The following GRIA3 variants were observed in gnomAD, a reference collection of about 807,000 sequenced individuals.
The protein encoded by GRIA3 is glutamate receptor 3.
In GRIA3, 3 loss-of-function variants were observed where a neutral mutation model predicts 63.0. That is an observed-to-expected ratio of 0.05 (90% confidence interval 0.02 to 0.12). The LOEUF (loss-of-function observed/expected upper bound fraction) is 0.12. GRIA3 is among the 10% of genes least tolerant of loss of function. GRIA3 has a pLI of 1.00. For synonymous variants in GRIA3, 274 were observed against 257.9 expected (o/e 1.06, Z -0.60); for missense variants, 347 against 700.9 (o/e 0.50, Z 5.70).
chrX:123,416,724 A>T (rs1416735744), intron 10 of GRIA3, among the ~76,000 whole-genome samples: 1 of 113,093 alleles, frequency 8.8e-6, no homozygotes, highest in South Asian at 3.5e-4. Context: ...CCCAGGCAAA[A>T]TTCTTTCATG....
chrX:123,335,381 G>C (rs947158014), intron 4 of GRIA3, among the ~76,000 whole-genome samples: 3 of 111,546 alleles, frequency 2.7e-5, no homozygotes, highest in African/African-American at 9.8e-5. Context: ...GAAATACCTA[G>C]GGAAAATCCC....
intron 3 of GRIA3, among the ~76,000 whole-genome samples, chrX:123,281,406 G>A (rs1391734365): frequency 2.7e-5 from 3 of 112,022 alleles, no homozygotes; most frequent in African/African-American, 9.7e-5. Context: ...ACTTCTGAGT[G>A]GCCAAAGAAT....
chrX:123,292,862 A>T (rs2044664259), intron 3 of GRIA3, among the ~76,000 whole-genome samples: 1 of 111,015 alleles, frequency 9.0e-6, no homozygotes, highest in Non-Finnish European at 1.9e-5. Flanking sequence ...TCATGCCCAC[A>T]GATTTCTTTT....
At chrX:123,196,653 T>C (rs921260639) in intron 2 of GRIA3, among the ~76,000 whole-genome samples, 1 of 111,491 alleles carries the variant, frequency 9.0e-6, no homozygotes, top group African/African-American at 3.3e-5. Context: ...TAAGGGATAA[T>C]ATTATAGAGC....
intron 2 of GRIA3, among the ~76,000 whole-genome samples, chrX:123,241,368 C>T (rs1168463357): frequency 1.8e-5 from 2 of 111,868 alleles, no homozygotes; most frequent in Non-Finnish European, 3.8e-5. Flanking sequence ...CCTGGTTTGG[C>T]AGAAGTTTCT....
intron 2 of GRIA3, among the ~76,000 whole-genome samples, chrX:123,212,387 T>C (rs1415327539): frequency 8.9e-6 from 1 of 112,310 alleles, no homozygotes; most frequent in East Asian, 2.8e-4. Context: ...AAAGTAATAT[T>C]GTGGTATCTC....
At chrX:123,268,981 T>C (rs1313647382) in intron 3 of GRIA3, among the ~76,000 whole-genome samples, 1 of 112,155 alleles carries the variant, frequency 8.9e-6, no homozygotes, top group Admixed American at 9.5e-5. Flanking sequence ...GTGATTAAGA[T>C]GCGGGAGGAA....
At chrX:123,213,336 G>T (rs1339638116) in intron 2 of GRIA3, among the ~76,000 whole-genome samples, 2 of 112,289 alleles carry the variant, frequency 1.8e-5, no homozygotes, top group Non-Finnish European at 3.8e-5. Flanking sequence ...TCTACCATGT[G>T]CCAGGAACTG....
intron 5 of GRIA3, among the ~76,000 whole-genome samples, chrX:123,360,695 C>A (rs866934828): frequency 0.017 from 904 of 52,030 alleles, no homozygotes; most frequent in Non-Finnish European, 0.018. Flanking sequence ...GACTCTGTCT[C>A]AAAAAAAAAA....
At chrX:123,462,668 C>A (rs2045799418) in intron 12 of GRIA3, among the ~76,000 whole-genome samples, 1 of 111,393 alleles carries the variant, frequency 9.0e-6, no homozygotes, top group Non-Finnish European at 1.9e-5. Context: ...GTTCCAGCCC[C>A]CCCTGGAATT....
intron 15 of GRIA3, among the ~76,000 whole-genome samples, chrX:123,484,164 T>C (rs1265348805): frequency 8.9e-6 from 1 of 112,246 alleles, no homozygotes; most frequent in Non-Finnish European, 1.9e-5. Context: ...TCAGTGAACC[T>C]GAGTGTTGCC....
intron 5 of GRIA3, among the ~76,000 whole-genome samples, chrX:123,371,471 T>C (rs2045247388): frequency 9.0e-6 from 1 of 110,845 alleles, no homozygotes; most frequent in Non-Finnish European, 1.9e-5. Flanking sequence ...CTGTTCTTCA[T>C]AGCGGTTGTA....
intron 13 of GRIA3, among the ~76,000 whole-genome samples, chrX:123,478,965 G>C (rs1378063639): frequency 8.9e-6 from 1 of 112,829 alleles, no homozygotes; most frequent in Non-Finnish European, 1.9e-5. Flanking sequence ...CAGGATAAAG[G>C]TCATTATTCC....
chrX:123,220,515 CTT>C (rs1392150960), intron 2 of GRIA3, among the ~76,000 whole-genome samples: 30 of 111,566 alleles, frequency 2.7e-4, no homozygotes, highest in African/African-American at 9.8e-4. Flanking sequence ...TTATGTGTAT[CTT>C]AAGAAATAAC....
intron 3 of GRIA3, among the ~76,000 whole-genome samples, chrX:123,262,314 G>T (rs1272399502): frequency 8.9e-6 from 1 of 111,816 alleles, no homozygotes; most frequent in Non-Finnish European, 1.9e-5. Flanking sequence ...CCTCAATAGA[G>T]AGTGAGGGTA....
chrX:123,280,549 A>G (rs1016106962), intron 3 of GRIA3, among the ~76,000 whole-genome samples: 1 of 112,232 alleles, frequency 8.9e-6, no homozygotes, highest in Non-Finnish European at 1.9e-5. Flanking sequence ...GAATGTTGAA[A>G]CAACGTATCT....
intron 5 of GRIA3, among the ~76,000 whole-genome samples, chrX:123,376,933 CTT>C (rs11310583): frequency 3.0e-4 from 22 of 73,797 alleles, no homozygotes; most frequent in African/African-American, 9.6e-4. Flanking sequence ...TTCATTCACT[CTT>C]TTTTTTTTTT....
At chrX:123,265,233 T>C (rs1316878929) in intron 3 of GRIA3, among the ~76,000 whole-genome samples, 2 of 112,034 alleles carry the variant, frequency 1.8e-5, no homozygotes, top group African/African-American at 3.2e-5. Context: ...CCATTTACAA[T>C]TGACCCTTAA....
intron 12 of GRIA3, among the ~76,000 whole-genome samples, chrX:123,447,854 A>C (rs899322702): frequency 6.3e-5 from 7 of 111,935 alleles, no homozygotes; most frequent in Non-Finnish European, 1.3e-4. Context: ...TCTTGATTGT[A>C]CTCAATTATT....
Sources: allele counts gnomAD v4.1 joint callset (sites outside exome capture counted in the v4.1 genomes callset), GRCh38; gene constraint gnomAD v4.1.1; transcripts MANE v1.5; gene names NCBI Gene and HGNC (gene_info 2026-07-23, HGNC 2026-07-21).